PARVA: variants seen among roughly 807,000 people sequenced by gnomAD.
The protein encoded by PARVA is alpha-parvin.
Under a neutral mutation model 52.6 loss-of-function variants are expected in PARVA, and 25 were observed. That is an observed-to-expected ratio of 0.48 (90% CI 0.35 to 0.66). The LOEUF is 0.66. PARVA is among the 30% of genes least tolerant of loss of function. PARVA has a pLI of 0.01. For missense variants in PARVA, 373 were observed against 450.9 expected (o/e 0.83, Z 1.56); for synonymous variants, 185 against 179.1 (o/e 1.03, Z -0.26).
Position 12,517,626 on chromosome 11 carries a change from A to T in PARVA, c.884A>T (p.Tyr295Phe). The T allele has an allele frequency of 6.3e-7, 1 of 1,598,948 alleles. No individual in the cohort carries two copies. The highest frequency in any genetic ancestry group is 8.5e-7 in the Non-Finnish European group (1 of 1,172,374). Reference protein sequence around the residue: ...ELETQFADGVYLVLLMGLLEG... With the variant: ...ELETQFADGVFLVLLMGLLEG... ...TTCCTCCAGTTTGCAGATGGGGTGT[A>T]CCTGGTGCTGCTCATGGGGCTCCTG... is the stretch of plus-strand genomic sequence containing the variant. Residue 295 changes from tyrosine to phenylalanine, a missense_variant, in exon 11 of 13, where the codon TAC becomes TTC. Coordinates refer to ENST00000334956, the MANE Select transcript of PARVA (RefSeq NM_018222.5).
chr11:12,461,039 T>G (rs1940771399), intron 1 of PARVA, among the ~76,000 whole-genome samples: 1 of 152,132 alleles, frequency 6.6e-6, no homozygotes, highest in South Asian at 2.1e-4. Flanking sequence ...CCTCTCACAT[T>G]AAAACATCCT....
At chr11:12,394,569 T>C (rs560255765) in intron 1 of PARVA, among the ~76,000 whole-genome samples, 1 of 152,202 alleles carries the variant, frequency 6.6e-6, no homozygotes, top group South Asian at 2.1e-4. Flanking sequence ...GGGGTCAAGG[T>C]AAAGATGGAA....
intron 9 of PARVA, 153 bp downstream of exon 9, chr11:12,513,513 C>G (rs1323468435): frequency 2.6e-6 from 2 of 761,350 alleles, no homozygotes; most frequent in Non-Finnish European, 4.8e-6. Context: ...CATCCATGTA[C>G]CTGTCTGTTC....
At chr11:12,513,494 C>T (rs1397366936) in intron 9 of PARVA, 134 bp downstream of exon 9, 4 of 818,728 alleles carry the variant, frequency 4.9e-6, no homozygotes, top group Non-Finnish European at 8.7e-6. Flanking sequence ...ACAGGGCTTT[C>T]CCCCTTGCCA....
At chr11:12,505,452 T>A (rs1423217052) in intron 6 of PARVA, among the ~76,000 whole-genome samples, 3 of 152,210 alleles carry the variant, frequency 2.0e-5, no homozygotes, top group Non-Finnish European at 1.5e-5. Flanking sequence ...AATCAACTGA[T>A]CAGTTGTCCC....
Position 12,531,479 on chromosome 11 carries a change from C to T in PARVA, c.*3554C>T, listed in dbSNP as rs969880345. ...ACATTGTGGTTCAAATAGGAATCAT[C>T]CATAGTCCAGTGCTAGAACAAATGT... is the stretch of plus-strand genomic sequence containing the variant. On this transcript the variant is annotated 3_prime_UTR_variant, in exon 13 of 13. Coordinates refer to ENST00000334956, the MANE Select transcript of PARVA (RefSeq NM_018222.5). Among the ~76,000 whole-genome samples, 2 of 152,062 alleles carry T rather than the reference C, an allele frequency of 1.3e-5. No homozygotes were observed. The highest frequency in any genetic ancestry group is 4.8e-5 in the African/African-American group (2 of 41,398).
intron 1 of PARVA, chr11:12,453,102 C>T (rs191131684): frequency 4.7e-5 from 21 of 450,524 alleles, no homozygotes; most frequent in Admixed American, 2.6e-4. Context: ...GGCGCCCTGG[C>T]CACCTCCCAG....
chr11:12,444,449 T>C (rs952824278), intron 1 of PARVA, among the ~76,000 whole-genome samples: 4 of 150,572 alleles, frequency 2.7e-5, no homozygotes, highest in African/African-American at 9.8e-5. Context: ...TTGCTTTTCT[T>C]TTTTTTTTAT....
chr11:12,392,579 T>C (rs539424190), intron 1 of PARVA, among the ~76,000 whole-genome samples: 1 of 152,348 alleles, frequency 6.6e-6, no homozygotes, highest in South Asian at 2.1e-4. Context: ...TTCCTTTTTA[T>C]GACTAAAAAT....
At chr11:12,395,971 A>G (rs1206406233) in intron 1 of PARVA, among the ~76,000 whole-genome samples, 19 of 152,230 alleles carry the variant, frequency 1.2e-4, no homozygotes, top group Non-Finnish European at 2.8e-4. Context: ...ATCCTTGGCA[A>G]TGCTCTGAGC....
intron 1 of PARVA, among the ~76,000 whole-genome samples, chr11:12,379,225 C>A (rs1162897446): frequency 1.9e-5 from 2 of 107,240 alleles, no homozygotes; most frequent in Non-Finnish European, 4.6e-5. Context: ...GTTTTATCAG[C>A]AAGGTCTTTA....
At position 12,533,272 on chromosome 11, in the gene PARVA, G is replaced by A. The variant is rs1941794969; in HGVS notation, c.*5347G>A. Among the ~76,000 whole-genome samples, 1 of 152,210 alleles carries A rather than the reference G, an allele frequency of 6.6e-6. No homozygotes were observed. The highest frequency in any genetic ancestry group is 1.5e-5 in the Non-Finnish European group (1 of 68,042). On this transcript the variant is annotated 3_prime_UTR_variant, in exon 13 of 13. Transcript: ENST00000334956. Reference sequence around the variant, plus strand: ...AGAACGCTGATCCATGGAGACCAGTGCTTCCAGCCCTCTCACCTCGGAGGA... The same window carrying A: ...AGAACGCTGATCCATGGAGACCAGTACTTCCAGCCCTCTCACCTCGGAGGA...
chr11:12,390,397 T>A (rs1382219284), intron 1 of PARVA, among the ~76,000 whole-genome samples: 2 of 152,160 alleles, frequency 1.3e-5, no homozygotes, highest in Non-Finnish European at 1.5e-5. Flanking sequence ...GGCAGTGAGA[T>A]GGCAGGGTGC....
intron 1 of PARVA, among the ~76,000 whole-genome samples, chr11:12,466,599 C>T (rs1353875967): frequency 5.3e-5 from 8 of 152,080 alleles, no homozygotes; most frequent in Non-Finnish European, 8.8e-5. Flanking sequence ...CCACCACGCC[C>T]GGCCTGTAGA....
At chr11:12,432,933 C>T (rs1030529082) in intron 1 of PARVA, among the ~76,000 whole-genome samples, 3 of 152,164 alleles carry the variant, frequency 2.0e-5, no homozygotes, top group East Asian at 1.9e-4. Flanking sequence ...CTGTCGTAGC[C>T]GTGGTACTGA....
chr11:12,498,783 G>T (rs892514168), intron 5 of PARVA, among the ~76,000 whole-genome samples: 1 of 151,946 alleles, frequency 6.6e-6, no homozygotes, highest in African/African-American at 2.4e-5. Flanking sequence ...CCATGGCCAG[G>T]CTGGTCTCAA....
At chr11:12,479,338 T>A (rs144890298) in intron 4 of PARVA, 1 of 152,118 alleles carries the variant, frequency 6.6e-6, no homozygotes, top group Non-Finnish European at 1.5e-5. Context: ...AGATTCTCGC[T>A]GTCACCCAGG....
At position 12,529,012 on chromosome 11, in the gene PARVA, C is replaced by G. The variant is rs901687073; in HGVS notation, c.*1087C>G. 6.6e-6 allele frequency: 1 copy of G among 152,638 alleles called. No individual in the cohort carries two copies. The highest frequency in any genetic ancestry group is 1.5e-5 in the Non-Finnish European group (1 of 68,042). 9.5% of individuals were successfully genotyped at this position (152,638 alleles called of 1,614,324 possible). On this transcript the variant is annotated 3_prime_UTR_variant, in exon 13 of 13. Coordinates refer to ENST00000334956, the MANE Select transcript of PARVA (RefSeq NM_018222.5). ...CAATATGCTCAGGCACCGCAGAGAG[C>G]TGGGCACGGGCCCATGTGAGCATCA... is the stretch of plus-strand genomic sequence containing the variant.
intron 1 of PARVA, among the ~76,000 whole-genome samples, chr11:12,413,515 G>A (rs1384988922): frequency 6.6e-6 from 1 of 152,206 alleles, no homozygotes; most frequent in Non-Finnish European, 1.5e-5. Context: ...CTGCTAGAAT[G>A]CGATATGGTT....
Sources: gnomAD v4.1 joint callset for allele counts (sites outside exome capture counted in the v4.1 genomes callset) on GRCh38, gnomAD v4.1.1 for gene constraint, MANE v1.5 for transcripts, NCBI Gene and HGNC (gene_info 2026-07-23, HGNC 2026-07-21) for gene names.